GLIS3: variants seen among roughly 807,000 people sequenced by gnomAD.
The protein encoded by GLIS3 is zinc finger protein GLIS3.
Under a neutral mutation model 78.6 loss-of-function variants are expected in GLIS3, and 53 were observed. That is an observed-to-expected ratio of 0.67 (90% CI 0.54 to 0.85). The LOEUF is 0.85. Ranked by LOEUF, GLIS3 falls within the 40% of genes least tolerant of loss-of-function variation. The pLI is 0.00. For missense variants in GLIS3, 1,703 were observed against 1,231.1 expected, an observed-to-expected ratio of 1.38 and a Z score of -5.74; for synonymous variants, 684 against 509.9, an observed-to-expected ratio of 1.34 and a Z score of -4.60.
chr9:4,172,131 G>C (rs997448837), intron 2 of GLIS3, among the ~76,000 whole-genome samples: 7 of 152,062 alleles, frequency 4.6e-5, no homozygotes, highest in African/African-American at 1.7e-4. Flanking sequence ...GCTAAGATCT[G>C]AGAAAAAAAT....
chr9:3,972,055 C>G (rs373370471), intron 4 of GLIS3, among the ~76,000 whole-genome samples: 2 of 152,114 alleles, frequency 1.3e-5, no homozygotes, highest in African/African-American at 4.8e-5. Flanking sequence ...AACACACTAG[C>G]GTGTTAGCAT....
upstream of GLIS3, among the ~76,000 whole-genome samples, chr9:4,301,458 C>G (rs902733022): frequency 3.3e-5 from 5 of 152,224 alleles, no homozygotes; most frequent in African/African-American, 7.2e-5. Flanking sequence ...CATGACTATT[C>G]CATTGTGGCT....
intron 4 of GLIS3, among the ~76,000 whole-genome samples, chr9:3,958,615 G>A (rs1563891999): frequency 1.3e-5 from 2 of 152,188 alleles, no homozygotes; most frequent in East Asian, 1.9e-4. Flanking sequence ...TGGGCTGGAC[G>A]CTGTGTAGGA....
intron 2 of GLIS3, among the ~76,000 whole-genome samples, chr9:4,186,405 A>G (rs1247416954): frequency 6.6e-6 from 1 of 151,842 alleles, no homozygotes; most frequent in East Asian, 1.9e-4. Flanking sequence ...TCATTGTTGG[A>G]CATTTGGGTT....
In GLIS3 at chr9:3,879,610, G is replaced by A; in HGVS notation, c.2129-15C>T. The A allele has an allele frequency of 6.2e-7, 1 of 1,613,720 alleles. No homozygotes were observed. The highest frequency in any genetic ancestry group is 1.3e-5 in the African/African-American group (1 of 75,012). Reference sequence around the variant, plus strand: ...GAAAATGGGAGCTGAAATCAAGGGAGAACAAACATGAGACCGTGCCCCAAA... The same window carrying A: ...GAAAATGGGAGCTGAAATCAAGGGAAAACAAACATGAGACCGTGCCCCAAA... On this transcript the variant is annotated splice_polypyrimidine_tract_variant and intron_variant, in intron 7 of 10. Transcript: ENST00000381971.
chr9:4,206,588 G>C (rs1819901868), intron 2 of GLIS3, among the ~76,000 whole-genome samples: 1 of 152,136 alleles, frequency 6.6e-6, no homozygotes, highest in Admixed American at 6.5e-5. Context: ...TGAAACAAGA[G>C]AATACTTTAT....
At chr9:4,476,184 T>C in the GLIS3 span, among the ~76,000 whole-genome samples, 2 of 152,330 alleles carry the variant, frequency 1.3e-5, no homozygotes, top group African/African-American at 4.8e-5. Context: ...AACAAAATCA[T>C]ATTCATACAA....
At chr9:4,070,550 G>A (rs985793860) in intron 4 of GLIS3, among the ~76,000 whole-genome samples, 1 of 152,120 alleles carries the variant, frequency 6.6e-6, no homozygotes, top group Non-Finnish European at 1.5e-5. Flanking sequence ...GTGTGTGAGA[G>A]AGAGAGATGC....
At chr9:3,916,637 C>A (rs1824533428) in intron 6 of GLIS3, among the ~76,000 whole-genome samples, 1 of 152,168 alleles carries the variant, frequency 6.6e-6, no homozygotes, top group African/African-American at 2.4e-5. Flanking sequence ...ATTTTGAGAA[C>A]AGGAAGTAAA....
chr9:3,824,398 C>A lies in GLIS3; in HGVS notation c.*3874G>T, dbSNP rs1817616440. 1 of 152,392 alleles carries A rather than the reference C, an allele frequency of 6.6e-6. No individual in the cohort carries two copies. The highest frequency in any genetic ancestry group is 1.5e-5 in the Non-Finnish European group (1 of 67,978). 9.4% of individuals were successfully genotyped at this position (152,392 alleles called of 1,614,324 possible). ...CTGATGGTAAAACAAAACAAAAAAA[C>A]AAACAAACAAACAATGATGGTTGCC... On this transcript the variant is annotated 3_prime_UTR_variant, in exon 11 of 11. Transcript: ENST00000381971.
chr9:4,037,329 C>T (rs1047108058), intron 4 of GLIS3, among the ~76,000 whole-genome samples: 1 of 152,154 alleles, frequency 6.6e-6, no homozygotes, highest in African/African-American at 2.4e-5. Flanking sequence ...AGGCAAATTA[C>T]TAACCCCTCC....
At chr9:3,946,959 C>A (rs1816336553) in intron 4 of GLIS3, among the ~76,000 whole-genome samples, 1 of 151,584 alleles carries the variant, frequency 6.6e-6, no homozygotes, top group African/African-American at 2.4e-5. Context: ...AACAGCAGGT[C>A]AAGCAGTTTC....
At chr9:4,095,990 C>A (rs1829907999) in intron 4 of GLIS3, among the ~76,000 whole-genome samples, 1 of 138,418 alleles carries the variant, frequency 7.2e-6, no homozygotes, top group African/African-American at 2.7e-5. Context: ...TGTATTTTCT[C>A]TACACCCAGT....
chr9:4,435,784 C>T, the GLIS3 span, among the ~76,000 whole-genome samples: 3 of 152,026 alleles, frequency 2.0e-5, no homozygotes, highest in Non-Finnish European at 4.4e-5. Context: ...CCTATCTCTA[C>T]TAAAAATACA....
rs145053547 is a variant in GLIS3, at chr9:3,830,116, CA to C, written c.2474-625del. ...TATGAAAATGTTAGAAAATACAACA[CA>C]AAACTCCAAAAAAGAAAAAATATGA... On this transcript the variant is annotated intron_variant, in intron 9 of 10. Transcript: ENST00000381971. 1.5e-3 allele frequency among the ~76,000 whole-genome samples: 233 copies of C among 152,192 alleles called. 2 individuals are homozygous for C. The highest frequency in any genetic ancestry group is 5.5e-3 in the African/African-American group (228 of 41,530).
chr9:3,888,098 T>G (rs1219383805), intron 7 of GLIS3, among the ~76,000 whole-genome samples: 1 of 152,182 alleles, frequency 6.6e-6, no homozygotes, highest in Non-Finnish European at 1.5e-5. Context: ...GTGTGTTATG[T>G]TAACCCTCAT....
At chr9:4,225,806 G>A (rs1199996764) in intron 2 of GLIS3, among the ~76,000 whole-genome samples, 2 of 152,232 alleles carry the variant, frequency 1.3e-5, no homozygotes, top group South Asian at 2.1e-4. Flanking sequence ...TTCATCCTAC[G>A]AGTCATGAAT....
chr9:4,296,520 G>C (rs1816520452), intron 1 of GLIS3, among the ~76,000 whole-genome samples: 1 of 152,116 alleles, frequency 6.6e-6, no homozygotes. Context: ...TTGAAGTGAT[G>C]ATCACTTCTT....
intron 4 of GLIS3, among the ~76,000 whole-genome samples, chr9:4,102,042 A>T (rs911340753): frequency 8.5e-5 from 13 of 152,228 alleles, no homozygotes; most frequent in African/African-American, 3.1e-4. Flanking sequence ...TATAAGGATT[A>T]TTCTCCATCT....
Sources: gnomAD v4.1 joint callset for allele counts (sites outside exome capture counted in the v4.1 genomes callset) on GRCh38, gnomAD v4.1.1 for gene constraint, MANE v1.5 for transcripts, NCBI Gene and HGNC (gene_info 2026-07-23, HGNC 2026-07-21) for gene names.